GATAD2B: variants seen among roughly 807,000 people sequenced by gnomAD.
The protein encoded by GATAD2B is GATA zinc finger domain containing 2B, also known as transcriptional repressor p66-beta.
Under a neutral mutation model 64.3 loss-of-function variants are expected in GATAD2B, and 8 were observed. The ratio of observed to expected loss-of-function variants is 0.12; its 90% CI spans 0.07 to 0.22. The LOEUF (loss-of-function observed/expected upper bound fraction) is 0.22. Among genes scored for constraint, GATAD2B ranks in the 10% least tolerant of loss-of-function variants. The pLI is 1.00. For synonymous variants in GATAD2B, 281 were observed against 271.3 expected (o/e 1.04, Z -0.35); for missense variants, 453 against 752.0 (o/e 0.60, Z 4.65).
intron 1 of GATAD2B, among the ~76,000 whole-genome samples, chr1:153,903,549 A>G (rs1677840944): frequency 6.6e-6 from 1 of 152,216 alleles, no homozygotes; most frequent in Non-Finnish European, 1.5e-5. Context: ...AAATTGTTCA[A>G]TGTTAACAAA....
chr1:153,830,478 A>ATTTG (rs1158508480), intron 1 of GATAD2B, among the ~76,000 whole-genome samples: 1 of 85,926 alleles, frequency 1.2e-5, no homozygotes, highest in Non-Finnish European at 2.4e-5. Flanking sequence ...TATTTTATTT[A>ATTTG]TTTATTTTTT....
intron 1 of GATAD2B, chr1:153,921,693 C>T (rs911883204): frequency 1.3e-5 from 2 of 152,194 alleles, no homozygotes; most frequent in African/African-American, 2.4e-5. Context: ...CAGGGGACAA[C>T]AGAGAAAAGG....
At chr1:153,898,080 A>G (rs1258527589) in intron 1 of GATAD2B, among the ~76,000 whole-genome samples, 1 of 151,596 alleles carries the variant, frequency 6.6e-6, no homozygotes, top group Non-Finnish European at 1.5e-5. Context: ...GAGGCAGGCC[A>G]ATCGCTTCAG....
chr1:153,817,921 C>T, intron 5 of GATAD2B, 119 bp downstream of exon 5: 2 of 805,630 alleles, frequency 2.5e-6, no homozygotes, highest in Non-Finnish European at 1.9e-6. Flanking sequence ...ACAGAACAAT[C>T]AGTAGTAATA....
At chr1:153,866,317 A>C (rs1274882834) in intron 1 of GATAD2B, among the ~76,000 whole-genome samples, 11 of 152,166 alleles carry the variant, frequency 7.2e-5, no homozygotes, top group Admixed American at 7.2e-4. Flanking sequence ...ATATTCTCTA[A>C]TGACAATTCA....
At position 153,816,059 on chromosome 1, in the gene GATAD2B, A is replaced by AACACACAC. The variant is rs71093286; in HGVS notation, c.1216+206_1216+213dup. Among the ~76,000 whole-genome samples, 9,600 of 141,758 alleles carry AACACACAC rather than the reference A, an allele frequency of 0.068. 357 individuals are homozygous for AACACACAC. Among genetic ancestry groups the AACACACAC allele is most frequent in the Non-Finnish European group, 0.073 (4,782 of 65,808 alleles). The allele number at this position is 141,758 out of a possible 152,430, so 93.0% of individuals were successfully genotyped here. On this transcript the variant is annotated intron_variant, in intron 7 of 10. Transcript: ENST00000368655. This position sits in a 1 kb window ranked among gnomAD's most constrained non-coding sequence, Gnocchi z 4.9. ...CAGAGCGAGACTGCATCTCAAACAA[A>AACACACAC]ACACACACACACACACACACACACA...
intron 1 of GATAD2B, among the ~76,000 whole-genome samples, chr1:153,889,893 G>C (rs1373740720): frequency 6.6e-6 from 1 of 152,164 alleles, no homozygotes; most frequent in African/African-American, 2.4e-5. Context: ...TAAGAGGCCA[G>C]TGGGGCGCGG....
At chr1:153,830,734 C>G (rs954335191) in intron 1 of GATAD2B, among the ~76,000 whole-genome samples, 1 of 151,056 alleles carries the variant, frequency 6.6e-6, no homozygotes, top group Admixed American at 6.6e-5. Context: ...CTCGGCCTCC[C>G]AAAGTGCTGG....
chr1:153,913,432 G>T (rs1304674693), intron 1 of GATAD2B, among the ~76,000 whole-genome samples: 1 of 152,126 alleles, frequency 6.6e-6, no homozygotes, highest in African/African-American at 2.4e-5. Flanking sequence ...AAGGGTTTCT[G>T]CTCATTAACA....
chr1:153,914,862 G>C (rs557831347), intron 1 of GATAD2B: 1 of 152,346 alleles, frequency 6.6e-6, no homozygotes, highest in African/African-American at 2.4e-5. Context: ...AGGAGTTCAA[G>C]GTTACACTAA....
rs370155105 is a variant in GATAD2B at position 153,817,373 on chromosome 1, G to C, written c.899C>G (p.Pro300Arg). The C allele has an allele frequency of 4.5e-6, 7 of 1,560,626 alleles. No homozygotes were observed. The highest frequency in any genetic ancestry group is 6.1e-6 in the Non-Finnish European group (7 of 1,155,614). ...PNMNPAINYQ[P>R]QSSSSVPCQR... ...CATTAGGGCTCAGCTCTCTCTTACCGGTTGATAATTGATGGCGGGATTCAT... is the reference window on the plus strand; with the variant it reads ...CATTAGGGCTCAGCTCTCTCTTACCCGTTGATAATTGATGGCGGGATTCAT... Residue 300 changes from proline (P) to arginine (R), a missense_variant and splice_region_variant, in exon 6 of 11, where the codon CCG becomes CGG. By Grantham distance (103) the Pro-to-Arg change is moderately radical (BLOSUM62 -2). Transcript: ENST00000368655.
chr1:153,884,773 T>G (rs1317310809), intron 1 of GATAD2B, among the ~76,000 whole-genome samples: 2 of 152,264 alleles, frequency 1.3e-5, no homozygotes, highest in African/African-American at 4.8e-5. Flanking sequence ...TTATTTCTTT[T>G]TTTCGAGACA....
chr1:153,889,111 T>C (rs1036272324), intron 1 of GATAD2B, among the ~76,000 whole-genome samples: 1 of 152,024 alleles, frequency 6.6e-6, no homozygotes, highest in Non-Finnish European at 1.5e-5. Flanking sequence ...CCTCACTGAA[T>C]TGCTATGTTC....
chr1:153,832,457 C>G (rs1675112461), intron 1 of GATAD2B, among the ~76,000 whole-genome samples: 1 of 152,136 alleles, frequency 6.6e-6, no homozygotes, highest in Non-Finnish European at 1.5e-5. Context: ...AATGAGGAAG[C>G]TGCAAAAGAA....
chr1:153,820,922 C>A (rs1447663754), intron 2 of GATAD2B, among the ~76,000 whole-genome samples: 2 of 150,494 alleles, frequency 1.3e-5, no homozygotes, highest in African/African-American at 4.9e-5. Context: ...TCACAGATCG[C>A]TAGCTGTCCA....
intron 1 of GATAD2B, among the ~76,000 whole-genome samples, chr1:153,864,638 AGAAAG>A (rs1676418036): frequency 6.6e-6 from 1 of 152,138 alleles, no homozygotes; most frequent in South Asian, 2.1e-4. Flanking sequence ...GAAGAAGAAA[AGAAAG>A]AGATGAAAGA....
intron 1 of GATAD2B, among the ~76,000 whole-genome samples, chr1:153,909,275 G>A (rs898428244): frequency 2.0e-5 from 3 of 151,602 alleles, no homozygotes; most frequent in African/African-American, 2.4e-5. Context: ...GTACAGTGGC[G>A]CAATCTGGGC....
intron 1 of GATAD2B, among the ~76,000 whole-genome samples, chr1:153,877,887 T>TAAA (rs36032008): frequency 9.0e-5 from 10 of 110,892 alleles, no homozygotes; most frequent in African/African-American, 2.4e-4. Flanking sequence ...CAAAAAAACT[T>TAAA]AAAAAAAAAA....
intron 1 of GATAD2B, among the ~76,000 whole-genome samples, chr1:153,897,761 AG>A (rs1360080195): frequency 6.6e-6 from 1 of 152,094 alleles, no homozygotes; most frequent in Non-Finnish European, 1.5e-5. Context: ...AAAGCTAGAC[AG>A]TTGGCCAATA....
Sources: gnomAD v4.1 joint callset for allele counts (sites outside exome capture counted in the v4.1 genomes callset) on GRCh38, gnomAD v4.1.1 for gene constraint, Gnocchi (gnomAD v3.1) non-coding constraint, MANE v1.5 for transcripts, NCBI Gene and HGNC (gene_info 2026-07-23, HGNC 2026-07-21) for gene names.